Variants in SYT1 observed in about 807,000 individuals in gnomAD.
SYT1 encodes synaptotagmin 1, also known as synaptotagmin-1.
A neutral mutation model predicts 44.8 loss-of-function variants in SYT1; 8 were observed. The ratio of observed to expected loss-of-function variants is 0.18; its 90% CI spans 0.10 to 0.32. SYT1 has a LOEUF of 0.32. Ranked by LOEUF, SYT1 falls within the 10% of genes least tolerant of loss-of-function variation. The pLI, the probability that SYT1 is intolerant of heterozygous loss-of-function variation, is 1.00. For synonymous variants in SYT1, 154 were observed against 188.8 expected (o/e 0.82, Z 1.51); for missense variants, 286 against 509.3 (o/e 0.56, Z 4.22).
intron 3 of SYT1, among the ~76,000 whole-genome samples, chr12:79,182,341 T>C (rs1380464852): frequency 6.6e-6 from 1 of 152,066 alleles, no homozygotes; most frequent in East Asian, 1.9e-4. Context: ...GTGTCATGGT[T>C]TTCTTCCTAA....
chr12:78,992,583 C>T (rs1340910435), intron 2 of SYT1, among the ~76,000 whole-genome samples: 1 of 152,168 alleles, frequency 6.6e-6, no homozygotes. Flanking sequence ...GTATTTCTTA[C>T]CGTGTGTAAA....
intron 10 of SYT1, among the ~76,000 whole-genome samples, chr12:79,445,990 CATATATATATATATATATATATATAT>C (rs59721146): frequency 3.4e-4 from 15 of 44,154 alleles, no homozygotes; most frequent in East Asian, 3.1e-3. Context: ...AATCCAAAGA[CATATATATATATATATATATATATAT>C]ATATATATAT....
intron 1 of SYT1, among the ~76,000 whole-genome samples, chr12:78,900,047 T>C (rs17045892): frequency 0.024 from 3,633 of 152,116 alleles, 145 homozygotes; most frequent in African/African-American, 0.083. Flanking sequence ...CAAACGCAAA[T>C]GTGACAAACC....
intron 3 of SYT1, among the ~76,000 whole-genome samples, chr12:79,194,725 T>G (rs1178844133): frequency 6.6e-6 from 1 of 152,182 alleles, no homozygotes; most frequent in Non-Finnish European, 1.5e-5. Flanking sequence ...GGTATGTGTG[T>G]GTGTGTTTAA....
At chr12:79,063,982 A>G (rs920504212) in intron 3 of SYT1, among the ~76,000 whole-genome samples, 1 of 152,170 alleles carries the variant, frequency 6.6e-6, no homozygotes. Flanking sequence ...CCTCTGCTTC[A>G]GTATCCATCT....
intron 4 of SYT1, among the ~76,000 whole-genome samples, chr12:79,254,492 G>T (rs1877403409): frequency 6.6e-6 from 1 of 152,224 alleles, no homozygotes; most frequent in African/African-American, 2.4e-5. Context: ...GGAGGAGATT[G>T]ATGTTGTTTT....
rs75593395 is a variant in SYT1, at chr12:78,940,854, G to T, written c.-216-36945G>T. Reference sequence around the variant, plus strand: ...GAATTCAACATGCCTAAGGTAAGGTGTCGAGTTAGATTAGTGGACTAGTAC... The same window carrying T: ...GAATTCAACATGCCTAAGGTAAGGTTTCGAGTTAGATTAGTGGACTAGTAC... On this transcript the variant is annotated intron_variant, in intron 1 of 10. Coordinates refer to ENST00000261205, the MANE Select transcript of SYT1 (RefSeq NM_005639.3). Among the ~76,000 whole-genome samples the T allele has an allele frequency of 3.9e-4, 60 of 152,184 alleles. No individual in the cohort carries two copies. The East Asian group carries it at 0.011, about 29-fold the overall frequency.
chr12:79,318,721 G>T (rs1881216115), intron 8 of SYT1, among the ~76,000 whole-genome samples: 1 of 152,124 alleles, frequency 6.6e-6, no homozygotes, highest in Non-Finnish European at 1.5e-5. Flanking sequence ...TTCCGACAAG[G>T]TGCTTCCCTG....
At chr12:78,987,083 C>T (rs367835529) in intron 2 of SYT1, among the ~76,000 whole-genome samples, 2 of 152,142 alleles carry the variant, frequency 1.3e-5, no homozygotes, top group African/African-American at 4.8e-5. Flanking sequence ...TCAGATGCTT[C>T]CATCGTTCAA....
chr12:78,980,936 G>A (rs963041508), intron 2 of SYT1, among the ~76,000 whole-genome samples: 3 of 151,966 alleles, frequency 2.0e-5, no homozygotes. Context: ...GGAGATGGAG[G>A]GGAGAGATGC....
chr12:78,958,715 A>G (rs965821902), intron 1 of SYT1, among the ~76,000 whole-genome samples: 19 of 151,418 alleles, frequency 1.3e-4, no homozygotes, highest in African/African-American at 3.9e-4. Context: ...AAAAAAAACT[A>G]TGCATTATTG....
chr12:78,929,409 C>CAAAAAA (rs10646738), intron 1 of SYT1, among the ~76,000 whole-genome samples: 1,004 of 43,786 alleles, frequency 0.023, 497 homozygotes, highest in Middle Eastern at 0.1. Context: ...GACTCCGTCC[C>CAAAAAA]AAAAAAAAAA....
intron 3 of SYT1, among the ~76,000 whole-genome samples, chr12:79,187,379 C>T (rs1172191357): frequency 3.9e-5 from 6 of 152,058 alleles, no homozygotes; most frequent in Non-Finnish European, 8.8e-5. Context: ...GTCCAGAAAG[C>T]AACGCTCCTA....
Position 78,913,938 on chromosome 12 carries a change from G to T in SYT1, c.-217+48829G>T, listed in dbSNP as rs183593306. 4.6e-5 allele frequency among the ~76,000 whole-genome samples: 7 copies of T among 151,764 alleles called. No individual in the cohort carries two copies. The East Asian group carries it at 1.4e-3, about 30-fold the overall frequency. On this transcript the variant is annotated intron_variant, in intron 1 of 10. Coordinates refer to ENST00000261205, the MANE Select transcript of SYT1 (RefSeq NM_005639.3). Reference sequence around the variant, plus strand: ...GGGAAAAATGGGTATGTTGTAAAGGGCATTGAATTGGGTTTGCCTTGAGAA... The same window carrying T: ...GGGAAAAATGGGTATGTTGTAAAGGTCATTGAATTGGGTTTGCCTTGAGAA...
chr12:78,952,155 G>A (rs2137299269), intron 1 of SYT1, among the ~76,000 whole-genome samples: 1 of 152,166 alleles, frequency 6.6e-6, no homozygotes, highest in South Asian at 2.1e-4. Context: ...GGGCCAAAAT[G>A]GAGATAATTG....
Position 79,405,280 on chromosome 12 carries a change from G to A in SYT1, c.929-38793G>A, listed in dbSNP as rs545674280. On this transcript the variant is annotated intron_variant, in intron 9 of 10. Coordinates refer to ENST00000261205, the MANE Select transcript of SYT1 (RefSeq NM_005639.3). ...ATCATAGAAGCTCATAGAATCAAAAGTATACTTTTCATAAGAATTTTTAAA... is the reference window on the plus strand; with the variant it reads ...ATCATAGAAGCTCATAGAATCAAAAATATACTTTTCATAAGAATTTTTAAA... 8.5e-5 allele frequency among the ~76,000 whole-genome samples: 13 copies of A among 152,174 alleles called. No homozygotes were observed. In the South Asian group the frequency reaches 1.9e-3, roughly 22 times the overall value.
At chr12:79,179,141 GATATAGAT>G (rs1157441370) in intron 3 of SYT1, among the ~76,000 whole-genome samples, 58 of 115,828 alleles carry the variant, frequency 5.0e-4, no homozygotes, top group South Asian at 2.7e-3. Context: ...TATAGATATA[GATATAGAT>G]ATATAGATAT....
rs185136166 is a variant in SYT1, at chr12:79,141,293, A to G, written c.-17-76210A>G. Among the ~76,000 whole-genome samples the G allele has an allele frequency of 1.4e-4, 22 of 152,248 alleles. No individual in the cohort carries two copies. In the East Asian group the frequency reaches 4.2e-3, roughly 29 times the overall value. ...CCTAATTAAACCTAAGGAATTGTATATTTTAATATACTGTGACACTCTATG... is the reference window on the plus strand; with the variant it reads ...CCTAATTAAACCTAAGGAATTGTATGTTTTAATATACTGTGACACTCTATG... On this transcript the variant is annotated intron_variant, in intron 3 of 10. Transcript: ENST00000261205.
intron 3 of SYT1, among the ~76,000 whole-genome samples, chr12:79,198,207 C>T (rs545699345): frequency 2.3e-4 from 35 of 152,146 alleles, no homozygotes; most frequent in African/African-American, 8.2e-4. Flanking sequence ...CATTGTCTTT[C>T]GTGTTCTAAT....
Sources: gnomAD v4.1 joint callset for allele counts (sites outside exome capture counted in the v4.1 genomes callset) on GRCh38, gnomAD v4.1.1 for gene constraint, MANE v1.5 for transcripts, NCBI Gene and HGNC (gene_info 2026-07-23, HGNC 2026-07-21) for gene names.